RAD18: variants seen among roughly 807,000 people sequenced by gnomAD.
The protein encoded by RAD18 is RAD18 E3 ubiquitin protein ligase.
RAD18 carries 47 observed loss-of-function variants against 60.4 expected under a neutral mutation model. The observed-to-expected ratio is 0.78, with a 90% CI of 0.62 to 0.99. RAD18 has a LOEUF of 0.99. Among genes scored for constraint, RAD18 ranks in the 50% least tolerant of loss-of-function variants. The pLI, the probability that RAD18 is intolerant of heterozygous loss-of-function variation, is 0.00. For synonymous variants in RAD18, 225 were observed against 195.5 expected, an observed-to-expected ratio of 1.15 and a Z score of -1.26; for missense variants, 640 against 593.3, an observed-to-expected ratio of 1.08 and a Z score of -0.82.
chr3:8,950,396 A>G (rs1475262040), intron 2 of RAD18, among the ~76,000 whole-genome samples: 5 of 152,174 alleles, frequency 3.3e-5, no homozygotes, highest in African/African-American at 1.2e-4. Flanking sequence ...AGCCTAATCT[A>G]CTGGAGTTTT....
At chr3:8,953,496 A>G (rs1436080202) in intron 2 of RAD18, among the ~76,000 whole-genome samples, 1 of 152,182 alleles carries the variant, frequency 6.6e-6, no homozygotes, top group Admixed American at 6.5e-5. Context: ...GCAGACCAGC[A>G]TAATTTATTC....
At chr3:8,906,934 T>C (rs188673480) in intron 9 of RAD18, among the ~76,000 whole-genome samples, 1 of 152,350 alleles carries the variant, frequency 6.6e-6, no homozygotes, top group East Asian at 1.9e-4. Context: ...TTCCAAATAT[T>C]TGGTGACTTT....
intron 2 of RAD18, among the ~76,000 whole-genome samples, chr3:8,952,122 C>T (rs1460808932): frequency 1.3e-5 from 2 of 152,212 alleles, no homozygotes; most frequent in Non-Finnish European, 2.9e-5. Flanking sequence ...TCACTCCAGG[C>T]ATTCCACCTT....
intron 4 of RAD18, among the ~76,000 whole-genome samples, chr3:8,943,580 G>A (rs935212846): frequency 6.6e-6 from 1 of 151,668 alleles, no homozygotes; most frequent in African/African-American, 2.4e-5. Context: ...AGCCCAGAAG[G>A]AACAGAAAGA....
intron 12 of RAD18, among the ~76,000 whole-genome samples, chr3:8,886,450 T>G (rs1467200846): frequency 1.3e-5 from 2 of 152,184 alleles, no homozygotes; most frequent in African/African-American, 4.8e-5. Flanking sequence ...ACAGTGGTGA[T>G]CCTTATTCAT....
intron 7 of RAD18, among the ~76,000 whole-genome samples, chr3:8,929,423 T>C (rs570328556): frequency 1.3e-5 from 2 of 152,082 alleles, no homozygotes; most frequent in Admixed American, 1.3e-4. Flanking sequence ...CCATAGATAT[T>C]AAAAGGTTAA....
intron 7 of RAD18, among the ~76,000 whole-genome samples, chr3:8,932,552 C>T (rs1414755197): frequency 6.6e-6 from 1 of 152,088 alleles, no homozygotes; most frequent in Non-Finnish European, 1.5e-5. Flanking sequence ...GACTCTCTCA[C>T]AATGCAAAAT....
intron 6 of RAD18, among the ~76,000 whole-genome samples, chr3:8,939,293 T>C (rs1940703994): frequency 6.6e-6 from 1 of 152,152 alleles, no homozygotes; most frequent in African/African-American, 2.4e-5. Context: ...AGAATTGAAT[T>C]TGAAGTCACT....
At position 8,881,283 on chromosome 3, in the gene RAD18, T is replaced by C. The variant is rs1575528630; in HGVS notation, c.*74A>G. 5.9e-6 allele frequency: 7 copies of C among 1,188,042 alleles called. No individual in the cohort carries two copies. Among genetic ancestry groups the C allele is most frequent in the East Asian group, 2.4e-5 (1 of 41,486 alleles). 73.6% of individuals were successfully genotyped at this position (1,188,042 alleles called of 1,614,324 possible). A position where few individuals can be genotyped will look rare whatever the true frequency, so the allele number is the denominator to read the frequency against. ...GCATCTTTCCTTGGGCATTTATAAA[T>C]AGAAAATCTATCTGTGGCAACCAAA... On this transcript the variant is annotated 3_prime_UTR_variant, in exon 13 of 13. Transcript: ENST00000264926.
At chr3:8,908,806 A>C (rs936075431) in intron 9 of RAD18, among the ~76,000 whole-genome samples, 1 of 152,228 alleles carries the variant, frequency 6.6e-6, no homozygotes, top group Non-Finnish European at 1.5e-5. Flanking sequence ...TTCCTAAAAT[A>C]CTAGAAAGAT....
intron 11 of RAD18, among the ~76,000 whole-genome samples, chr3:8,894,460 G>T (rs1209207127): frequency 2.0e-5 from 3 of 152,188 alleles, no homozygotes; most frequent in South Asian, 2.1e-4. Flanking sequence ...AAGTTAGAGG[G>T]ACAAACAAAC....
At chr3:8,953,210 G>A (rs1940954787) in intron 2 of RAD18, among the ~76,000 whole-genome samples, 1 of 150,228 alleles carries the variant, frequency 6.7e-6, no homozygotes, top group Non-Finnish European at 1.5e-5. Flanking sequence ...ATACAATATA[G>A]TGTATACATT....
chr3:8,893,829 A>AC, intron 11 of RAD18, among the ~76,000 whole-genome samples: 1 of 150,392 alleles, frequency 6.6e-6, no homozygotes, highest in South Asian at 2.1e-4. Flanking sequence ...CTGAGTAGTT[A>AC]TAGGTGCATA....
intron 7 of RAD18, among the ~76,000 whole-genome samples, chr3:8,921,886 A>G (rs1940327268): frequency 6.6e-6 from 1 of 152,154 alleles, no homozygotes; most frequent in African/African-American, 2.4e-5. Flanking sequence ...GTAACAAGGT[A>G]TTATAGAGTG....
At chr3:8,888,061 T>G (rs1056317495) in intron 12 of RAD18, among the ~76,000 whole-genome samples, 3 of 152,198 alleles carry the variant, frequency 2.0e-5, no homozygotes, top group African/African-American at 7.2e-5. Context: ...AACTAGCCAG[T>G]CCTGCACTGT....
intron 11 of RAD18, among the ~76,000 whole-genome samples, chr3:8,893,260 T>C (rs972826990): frequency 2.3e-4 from 35 of 152,310 alleles, no homozygotes; most frequent in African/African-American, 8.4e-4. Flanking sequence ...ACATCTGCTA[T>C]AAAAATCCTG....
chr3:8,899,216 GCTAT>G (rs746961750), intron 10 of RAD18, among the ~76,000 whole-genome samples, 169 bp from the exon 11 acceptor site: 1 of 152,114 alleles, frequency 6.6e-6, no homozygotes, highest in Non-Finnish European at 1.5e-5. Flanking sequence ...CTACAATGGT[GCTAT>G]CTAATTATAC....
intron 12 of RAD18, 67 bp downstream of exon 12, chr3:8,890,322 T>C: frequency 8.0e-7 from 1 of 1,251,354 alleles, no homozygotes; most frequent in East Asian, 2.3e-5. Context: ...TGTTTGAAAA[T>C]CAGCTGCATA....
chr3:8,896,114 G>T (rs1399329403), intron 11 of RAD18, among the ~76,000 whole-genome samples: 1 of 152,110 alleles, frequency 6.6e-6, no homozygotes, highest in Non-Finnish European at 1.5e-5. Context: ...CTGTCTTCTG[G>T]ATCCTAAAAC....
Sources: gnomAD v4.1 joint callset for allele counts (sites outside exome capture counted in the v4.1 genomes callset) on GRCh38, gnomAD v4.1.1 for gene constraint, MANE v1.5 for transcripts, NCBI Gene and HGNC (gene_info 2026-07-23, HGNC 2026-07-21) for gene names.